TJP2: variants seen among roughly 807,000 people sequenced by gnomAD.
TJP2 encodes Friedreich ataxia region gene X104 (tight junction protein ZO-2).
A neutral mutation model predicts 133.1 loss-of-function variants in TJP2; 91 were observed. That is an observed-to-expected ratio of 0.68 (90% CI 0.58 to 0.81). The LOEUF (loss-of-function observed/expected upper bound fraction) is 0.81. TJP2 is among the 40% of genes least tolerant of loss of function. TJP2 has a pLI of 0.00. For synonymous variants in TJP2, 592 were observed against 583.4 expected, an observed-to-expected ratio of 1.01 and a Z score of -0.21; for missense variants, 1,541 against 1,565.6, an observed-to-expected ratio of 0.98 and a Z score of 0.26.
chr9:69,143,121 TA>T, intron 1 of TJP2, among the ~76,000 whole-genome samples: 1 of 152,382 alleles, frequency 6.6e-6, no homozygotes, highest in South Asian at 2.1e-4. Flanking sequence ...TTCTTTCTAA[TA>T]TTTGCTAAGG....
chr9:69,179,703 G>T (rs944481581), intron 1 of TJP2, among the ~76,000 whole-genome samples: 1 of 151,878 alleles, frequency 6.6e-6, no homozygotes, highest in Middle Eastern at 3.2e-3. Flanking sequence ...GTTTCACCAT[G>T]TTAGCCAGGA....
chr9:69,207,504 G>T (rs1342272803), intron 1 of TJP2, among the ~76,000 whole-genome samples: 1 of 152,176 alleles, frequency 6.6e-6, no homozygotes, highest in Admixed American at 6.5e-5. Flanking sequence ...GAACATTGCT[G>T]CTGTGAATAC....
chr9:69,224,054 T>C (rs1829126261), intron 5 of TJP2, among the ~76,000 whole-genome samples: 1 of 152,242 alleles, frequency 6.6e-6, no homozygotes, highest in Non-Finnish European at 1.5e-5. Context: ...ACAAGTTTAT[T>C]AAGTAAAACC....
chr9:69,172,714 T>TC, upstream of TJP2, among the ~76,000 whole-genome samples: 1 of 151,470 alleles, frequency 6.6e-6, no homozygotes. Flanking sequence ...AAATATTTTA[T>TC]TTTTTTTTCC....
chr9:69,158,327 CAAAAAAAAAAA>C (rs1156502519), intron 2 of TJP2, among the ~76,000 whole-genome samples: 1 of 52,768 alleles, frequency 1.9e-5, no homozygotes, highest in Non-Finnish European at 3.2e-5. Flanking sequence ...GACTTTGCCT[CAAAAAAAAAAA>C]AAAAAAAAAA....
Position 69,137,295 on chromosome 9 carries a change from C to CTTTCT in TJP2, c.-130-14322_-130-14318dup, listed in dbSNP as rs58232602. 7.9e-3 allele frequency among the ~76,000 whole-genome samples: 548 copies of CTTTCT among 69,414 alleles called. 3 individuals carry two copies. The highest frequency in any genetic ancestry group is 0.015 in the Middle Eastern group (2 of 136). 45.5% of individuals were successfully genotyped at this position (69,414 alleles called of 152,430 possible). ...TTTTTCTTTCTTTCTTTCTTTCTTT[C>CTTTCT]TTTCTTTTCTTTTCTTTTCTTTTCT... On this transcript the variant is annotated intron_variant, in intron 1 of 5. Coordinates refer to the TJP2 transcript ENST00000423935.
At position 69,236,988 on chromosome 9, in the gene TJP2, C is replaced by G. The variant is rs759087699; in HGVS notation, c.2031C>G (p.Asp677Glu). ...QMASVQNAQR[D>E]NAGDRADFWR... The stretch of plus-strand genomic sequence containing the variant: ...CCAGTGTTCAAAATGCCCAGAGAGA[C>G]AACGCTGGGGACCGGGCAGATTTCT... Residue 677 changes from aspartate (D) to glutamate (E), a missense_variant, in exon 14 of 23, where the codon GAC becomes GAG. Coordinates refer to ENST00000377245, the MANE Select transcript of TJP2 (RefSeq NM_004817.4). The G allele has an allele frequency of 1.9e-6, 3 of 1,614,194 alleles. No homozygotes were observed. The East Asian group carries it at 6.7e-5, about 36-fold the overall frequency.
In TJP2 at chr9:69,205,439, T is replaced by C. The variant is rs558571985; in HGVS notation, c.61-7109T>C. 1.2e-5 allele frequency: 13 copies of C among 1,064,778 alleles called. No individual in the cohort carries two copies. The African/African-American group carries it at 1.8e-4, about 14-fold the overall frequency. 66.0% of individuals were successfully genotyped at this position (1,064,778 alleles called of 1,614,324 possible). A position where few individuals can be genotyped will look rare whatever the true frequency, so the allele number is the denominator to read the frequency against. ...TTGTATTAATTTTAGCAGATCTATG[T>C]GAAACTGATAGCCTCTTACTGGATC... On this transcript the variant is annotated intron_variant, in intron 1 of 22. Transcript: ENST00000377245.
chr9:69,215,398 T>TTG (rs983882125), intron 2 of TJP2, among the ~76,000 whole-genome samples: 8 of 151,612 alleles, frequency 5.3e-5, no homozygotes, highest in Admixed American at 1.3e-4. Flanking sequence ...TGGTTTTTTT[T>TTG]TTTTGTTTTT....
At chr9:69,135,497 G>A (rs1461333898) in intron 1 of TJP2, among the ~76,000 whole-genome samples, 1 of 152,162 alleles carries the variant, frequency 6.6e-6, no homozygotes, top group East Asian at 1.9e-4. Flanking sequence ...CTGGAGTACA[G>A]TGACACGATC....
intron 12 of TJP2, 65 bp downstream of exon 12, chr9:69,234,612 T>A: frequency 1.9e-5 from 16 of 827,366 alleles, no homozygotes; most frequent in Non-Finnish European, 3.2e-5. Context: ...ATGAGAGAGG[T>A]GTCTTGGTAC....
At chr9:69,209,960 A>G (rs1393396165) in intron 1 of TJP2, among the ~76,000 whole-genome samples, 1 of 152,096 alleles carries the variant, frequency 6.6e-6, no homozygotes, top group Non-Finnish European at 1.5e-5. Context: ...TCAAAGAAGC[A>G]GAGAGCCACG....
chr9:69,182,788 C>CT (rs35602682), intron 1 of TJP2, among the ~76,000 whole-genome samples: 77,577 of 129,340 alleles, frequency 0.6, 23,516 homozygotes, highest in Admixed American at 0.66. Flanking sequence ...TGATGAATTT[C>CT]TTTTTTTTTT....
At chr9:69,153,444 C>T (rs888577091) in intron 2 of TJP2, among the ~76,000 whole-genome samples, 2 of 152,004 alleles carry the variant, frequency 1.3e-5, no homozygotes, top group Admixed American at 6.6e-5. Context: ...ATTAGCCAGG[C>T]GTGGTGGTGC....
chr9:69,185,799 C>T (rs1356285177), intron 1 of TJP2, among the ~76,000 whole-genome samples: 3 of 151,712 alleles, frequency 2.0e-5, no homozygotes. Flanking sequence ...GCGGAGGGAA[C>T]ACTGTAGTCT....
At chr9:69,225,221 A>G in intron 5 of TJP2, 83 bp from the exon 6 acceptor site, 1 of 878,418 alleles carries the variant, frequency 1.1e-6, no homozygotes, top group Non-Finnish European at 1.9e-6. Context: ...TTTAATACAT[A>G]TTTTAAAATA....
chr9:69,242,003 C>T (rs1429459165), intron 17 of TJP2, among the ~76,000 whole-genome samples: 1 of 152,204 alleles, frequency 6.6e-6, no homozygotes, highest in Non-Finnish European at 1.5e-5. Flanking sequence ...TCTGAGTACA[C>T]TAAATAGCGA....
chr9:69,183,894 C>G (rs1399221483), intron 1 of TJP2, among the ~76,000 whole-genome samples: 1 of 152,154 alleles, frequency 6.6e-6, no homozygotes, highest in Non-Finnish European at 1.5e-5. Flanking sequence ...GCCACTACAC[C>G]TAGCTAATTT....
chr9:69,234,513 A>G lies in TJP2; in HGVS notation c.1746A>G (p.Glu582=), dbSNP rs1336120701. The G allele has an allele frequency of 7.1e-7, 1 of 1,399,812 alleles. No homozygotes were observed. Among genetic ancestry groups the G allele is most frequent in the Admixed American group, 2.0e-5 (1 of 51,154 alleles). The allele number at this position is 1,399,812 out of a possible 1,614,324, so 86.7% of individuals were successfully genotyped here. A position where few individuals can be genotyped will look rare whatever the true frequency, so the allele number is the denominator to read the frequency against. The change falls in exon 12 of 23, where the codon GAA becomes GAG. Residue 582 remains glutamate (E), a synonymous_variant. Coordinates refer to ENST00000377245, the MANE Select transcript of TJP2 (RefSeq NM_004817.4). The part of the protein sequence containing the change: ...VLYLLEIPKG[E]MVTILAQSRA... The stretch of plus-strand genomic sequence containing the variant: ...ACCTGTTAGAAATCCCTAAAGGTGA[A>G]ATGGTGACCATTTTAGCTCAGAGCC...
Sources: allele counts gnomAD v4.1 joint callset (sites outside exome capture counted in the v4.1 genomes callset), GRCh38; gene constraint gnomAD v4.1.1; transcripts MANE v1.5; gene names NCBI Gene and HGNC (gene_info 2026-07-23, HGNC 2026-07-21).